Variants in ABHD13 observed in about 807,000 individuals in gnomAD.
ABHD13 encodes abhydrolase domain containing 13.
In ABHD13, 7 loss-of-function variants were observed where a neutral mutation model predicts 25.2. The observed-to-expected ratio is 0.28, with a 90% CI of 0.16 to 0.52. The LOEUF (loss-of-function observed/expected upper bound fraction) is 0.52, where lower values mean the gene tolerates loss of function less well. Among genes scored for constraint, ABHD13 ranks in the 20% least tolerant of loss-of-function variants. The pLI is 0.96. For synonymous variants in ABHD13, 133 were observed against 136.1 expected, an observed-to-expected ratio of 0.98 and a Z score of 0.16; for missense variants, 302 against 402.7, an observed-to-expected ratio of 0.75 and a Z score of 2.14.
intron 1 of ABHD13, among the ~76,000 whole-genome samples, chr13:108,225,190 C>T (rs1879649669): frequency 6.6e-6 from 1 of 152,006 alleles, no homozygotes; most frequent in Admixed American, 6.6e-5. Context: ...AGCATAAAGT[C>T]TGCAAAACGT....
At chr13:108,220,568 C>T (rs937822987) in intron 1 of ABHD13, among the ~76,000 whole-genome samples, 42 of 152,166 alleles carry the variant, frequency 2.8e-4, no homozygotes, top group Admixed American at 4.6e-4. Context: ...TGCTCTAGTT[C>T]TTCTAAGTAA....
chr13:108,225,897 T>C (rs559811453), intron 1 of ABHD13, among the ~76,000 whole-genome samples: 1 of 152,300 alleles, frequency 6.6e-6, no homozygotes, highest in African/African-American at 2.4e-5. Flanking sequence ...GGTATAAGTT[T>C]GAGTGTATTA....
At chr13:108,226,726 G>A (rs1594490607) in intron 1 of ABHD13, among the ~76,000 whole-genome samples, 2 of 152,228 alleles carry the variant, frequency 1.3e-5, no homozygotes, top group East Asian at 3.9e-4. Flanking sequence ...TTACATCTCA[G>A]CAGATGGTGC....
chr13:108,229,140 G>A lies in ABHD13; in HGVS notation c.-20-59G>A. 3 of 1,311,738 alleles carry A rather than the reference G, an allele frequency of 2.3e-6. No individual in the cohort carries two copies. Among genetic ancestry groups the A allele is most frequent in the Middle Eastern group, 1.9e-4 (1 of 5,166 alleles). 81.3% of individuals were successfully genotyped at this position (1,311,738 alleles called of 1,614,324 possible). ...CTAGTACCATAGTTTATTATATTGTGGATTTTTAAAAGAATAGATAGACGT... is the reference window on the plus strand; with the variant it reads ...CTAGTACCATAGTTTATTATATTGTAGATTTTTAAAAGAATAGATAGACGT... On this transcript the variant is annotated intron_variant, in intron 1 of 1. Coordinates refer to ENST00000375898, the MANE Select transcript of ABHD13 (RefSeq NM_032859.3). This position sits in a 1 kb window ranked among gnomAD's most constrained non-coding sequence, Gnocchi z 4.7.
chr13:108,218,513 G>C lies in ABHD13; in HGVS notation c.-167G>C, dbSNP rs1189477475. The stretch of plus-strand genomic sequence containing the variant: ...GAAGTGGGGCCACAGCTCGCAGCAG[G>C]AGCTCCGGGCTAGACCGTGGCGCCG... On this transcript the variant is annotated 5_prime_UTR_variant, in exon 1 of 2. Coordinates refer to ENST00000375898, the MANE Select transcript of ABHD13 (RefSeq NM_032859.3). 3.3e-5 allele frequency: 5 copies of C among 151,938 alleles called. No homozygotes were observed. The East Asian group carries it at 9.8e-4, about 30-fold the overall frequency. 9.4% of individuals were successfully genotyped at this position (151,938 alleles called of 1,614,324 possible).
chr13:108,229,850 C>T lies in ABHD13; in HGVS notation c.632C>T (p.Ser211Leu). Reference sequence around the variant, plus strand: ...GCTTCTGAAAATTCACATAGGATTTCAGCCATTATGGTGGAGAACACATTT... The same window carrying T: ...GCTTCTGAAAATTCACATAGGATTTTAGCCATTATGGTGGAGAACACATTT... ...HLASENSHRI[S>L]AIMVENTFLS... Residue 211 changes from serine to leucine, a missense_variant, in exon 2 of 2, where the codon TCA (serine) becomes TTA (leucine). Ser to Leu is a moderately radical substitution (Grantham distance 145). Coordinates refer to ENST00000375898, the MANE Select transcript of ABHD13 (RefSeq NM_032859.3). This position sits in a 1 kb window ranked among gnomAD's most constrained non-coding sequence, Gnocchi z 4.7. The T allele has an allele frequency of 6.2e-7, 1 of 1,613,424 alleles. No individual in the cohort carries two copies. The highest frequency in any genetic ancestry group is 8.5e-7 in the Non-Finnish European group (1 of 1,179,494).
intron 1 of ABHD13, among the ~76,000 whole-genome samples, chr13:108,228,382 A>C (rs1879717432): frequency 6.6e-6 from 1 of 151,950 alleles, no homozygotes; most frequent in Non-Finnish European, 1.5e-5. Flanking sequence ...CCAGGACGTG[A>C]AACTTCATTA....
rs1879732118 is a variant in ABHD13 at position 108,229,006 on chromosome 13, G to A, written c.-20-193G>A. Among the ~76,000 whole-genome samples, 1 of 151,974 alleles carries A rather than the reference G, an allele frequency of 6.6e-6. No individual in the cohort carries two copies. Among genetic ancestry groups the A allele is most frequent in the Admixed American group, 6.6e-5 (1 of 15,232 alleles). On this transcript the variant is annotated intron_variant, in intron 1 of 1. Coordinates refer to ENST00000375898, the MANE Select transcript of ABHD13 (RefSeq NM_032859.3). The surrounding 1 kb of genome is among the most constrained non-coding windows in gnomAD (Gnocchi z 4.7). The stretch of plus-strand genomic sequence containing the variant: ...GTGTTTCCTAAATATGACAGTGGAG[G>A]GATATGGTAGAAAGGAAACTGTTGA...
chr13:108,222,437 A>G (rs889026410), intron 1 of ABHD13, among the ~76,000 whole-genome samples: 6 of 151,860 alleles, frequency 4.0e-5, no homozygotes, highest in African/African-American at 1.4e-4. Flanking sequence ...AAAGGATTTA[A>G]AAAAATGTAA....
At position 108,234,238 on chromosome 13, in the gene ABHD13, A is replaced by G. The variant is rs1041177801; in HGVS notation, c.*4006A>G. Reference sequence around the variant, plus strand: ...TATGCAATAAATTGGTACATTAAAAATTTGATTAATGTCTTCAGATAGTTT... The same window carrying G: ...TATGCAATAAATTGGTACATTAAAAGTTTGATTAATGTCTTCAGATAGTTT... On this transcript the variant is annotated 3_prime_UTR_variant, in exon 2 of 2. Transcript: ENST00000375898. 4 of 166,708 alleles carry G rather than the reference A, an allele frequency of 2.4e-5. No homozygotes were observed. The highest frequency in any genetic ancestry group is 4.8e-5 in the African/African-American group (2 of 41,462). The allele number at this position is 166,708 out of a possible 1,614,324, so 10.3% of individuals were successfully genotyped here. A position where few individuals can be genotyped will look rare whatever the true frequency, so the allele number is the denominator to read the frequency against.
chr13:108,224,797 A>T (rs1261616661), intron 1 of ABHD13, among the ~76,000 whole-genome samples: 1 of 152,222 alleles, frequency 6.6e-6, no homozygotes, highest in Non-Finnish European at 1.5e-5. Flanking sequence ...AATTAGGACC[A>T]TAAATCCTCA....
Position 108,231,625 on chromosome 13 carries a change from G to C in ABHD13, c.*1393G>C, listed in dbSNP as rs552931875. ...TTCATGCAGTCCTCAAAAATTAGAT[G>C]TAATTGAGCTTTGTGTAATATTATG... On this transcript the variant is annotated 3_prime_UTR_variant, in exon 2 of 2. Coordinates refer to ENST00000375898, the MANE Select transcript of ABHD13 (RefSeq NM_032859.3). The C allele has an allele frequency of 7.4e-4, 122 of 164,326 alleles. No homozygotes were observed. The highest frequency in any genetic ancestry group is 2.9e-3 in the African/African-American group (119 of 40,788). 10.2% of individuals were successfully genotyped at this position (164,326 alleles called of 1,614,324 possible).
In ABHD13 at chr13:108,233,714, T is replaced by TAC. The variant is rs34391387; in HGVS notation, c.*3488_*3489dup. On this transcript the variant is annotated 3_prime_UTR_variant, in exon 2 of 2. Coordinates refer to ENST00000375898, the MANE Select transcript of ABHD13 (RefSeq NM_032859.3). ...TTATTCTTAATACTATATATATATA[T>TAC]ACACACATAGTTTTAGCAAATTGGA... is the stretch of plus-strand genomic sequence containing the variant. 0.019 allele frequency: 3,192 copies of TAC among 166,686 alleles called. 131 individuals carry two copies. Among genetic ancestry groups the TAC allele is most frequent in the Admixed American group, 0.11 (1,685 of 15,224 alleles). The allele number at this position is 166,686 out of a possible 1,614,324, so 10.3% of individuals were successfully genotyped here.
In ABHD13 at chr13:108,225,733, A is replaced by G. The variant is rs1025011799; in HGVS notation, c.-20-3466A>G. On this transcript the variant is annotated intron_variant, in intron 1 of 1. Coordinates refer to ENST00000375898, the MANE Select transcript of ABHD13 (RefSeq NM_032859.3). The stretch of plus-strand genomic sequence containing the variant: ...CAGAAAATTGAGAAATGGGACTGTC[A>G]GGTATTCATTTAAGATGTAGACATA... Among the ~76,000 whole-genome samples the G allele has an allele frequency of 4.6e-5, 7 of 152,274 alleles. No individual in the cohort carries two copies. In the South Asian group the frequency reaches 1.5e-3, roughly 32 times the overall value.
rs781743994 is a variant in ABHD13 at position 108,232,410 on chromosome 13, A to G, written c.*2178A>G. 1.2e-5 allele frequency: 2 copies of G among 166,962 alleles called. No individual in the cohort carries two copies. Among genetic ancestry groups the G allele is most frequent in the Non-Finnish European group, 2.9e-5 (2 of 68,058 alleles). 10.3% of individuals were successfully genotyped at this position (166,962 alleles called of 1,614,324 possible). A position where few individuals can be genotyped will look rare whatever the true frequency, so the allele number is the denominator to read the frequency against. On this transcript the variant is annotated 3_prime_UTR_variant, in exon 2 of 2. Coordinates refer to ENST00000375898, the MANE Select transcript of ABHD13 (RefSeq NM_032859.3). ...TGCCTAGGGCTATACCACCACTAGCATCTGTATTTGAGACTGTTTCCTTAG... is the reference window on the plus strand; with the variant it reads ...TGCCTAGGGCTATACCACCACTAGCGTCTGTATTTGAGACTGTTTCCTTAG...
At chr13:108,223,233 G>A (rs1022627834) in intron 1 of ABHD13, among the ~76,000 whole-genome samples, 6 of 152,176 alleles carry the variant, frequency 3.9e-5, no homozygotes, top group Non-Finnish European at 5.9e-5. Context: ...CCATCAAAAA[G>A]GTCCCTTAAG....
chr13:108,226,083 T>C (rs962730957), intron 1 of ABHD13, among the ~76,000 whole-genome samples: 9 of 152,178 alleles, frequency 5.9e-5, no homozygotes, highest in Admixed American at 4.6e-4. Flanking sequence ...AGCAGTGGTC[T>C]TGGGGTCAAT....
chr13:108,218,615 G>T lies in ABHD13; in HGVS notation c.-65G>T, dbSNP rs1364581705. The T allele has an allele frequency of 6.6e-6, 1 of 151,966 alleles. No homozygotes were observed. Among genetic ancestry groups the T allele is most frequent in the Non-Finnish European group, 1.5e-5 (1 of 67,958 alleles). 9.4% of individuals were successfully genotyped at this position (151,966 alleles called of 1,614,324 possible). ...GGGGGTACGCTGCTGCGCGGCGCCCGGTTTCGTGCCCGCGGCCGACTGCGC... is the reference window on the plus strand; with the variant it reads ...GGGGGTACGCTGCTGCGCGGCGCCCTGTTTCGTGCCCGCGGCCGACTGCGC... On this transcript the variant is annotated 5_prime_UTR_variant, in exon 1 of 2. Coordinates refer to ENST00000375898, the MANE Select transcript of ABHD13 (RefSeq NM_032859.3).
intron 1 of ABHD13, among the ~76,000 whole-genome samples, chr13:108,220,155 C>T (rs1235298712): frequency 1.3e-5 from 2 of 152,318 alleles, no homozygotes; most frequent in Middle Eastern, 3.4e-3. Flanking sequence ...AGCTACCTAT[C>T]TCTTAACAGA....
Sources: gnomAD v4.1 joint callset for allele counts (sites outside exome capture counted in the v4.1 genomes callset) on GRCh38, gnomAD v4.1.1 for gene constraint, Gnocchi (gnomAD v3.1) non-coding constraint, MANE v1.5 for transcripts, NCBI Gene and HGNC (gene_info 2026-07-23, HGNC 2026-07-21) for gene names.